Variants in IGF1R observed in about 807,000 individuals in gnomAD.
The protein encoded by IGF1R is insulin-like growth factor 1 receptor.
A neutral mutation model predicts 144.6 loss-of-function variants in IGF1R; 44 were observed. The observed-to-expected ratio is 0.30, with a 90% CI of 0.24 to 0.39. The LOEUF is 0.39. Among genes scored for constraint, IGF1R ranks in the 10% least tolerant of loss-of-function variants. IGF1R has a pLI of 1.00. For missense variants in IGF1R, 1,355 were observed against 1,833.7 expected, an observed-to-expected ratio of 0.74 and a Z score of 4.77; for synonymous variants, 795 against 722.8, an observed-to-expected ratio of 1.10 and a Z score of -1.60.
At chr15:98,806,343 C>T (rs2056470611) in intron 2 of IGF1R, among the ~76,000 whole-genome samples, 1 of 152,138 alleles carries the variant, frequency 6.6e-6, no homozygotes. Flanking sequence ...GCCGAGGGCG[C>T]ACGAAGTGCT....
In IGF1R at chr15:98,804,494, G is replaced by A. The variant is rs1276006722; in HGVS notation, c.641-86831G>A. On this transcript the variant is annotated intron_variant, in intron 2 of 20. Coordinates refer to ENST00000650285, the MANE Select transcript of IGF1R (RefSeq NM_000875.5). ...GTTTTTGTTTTTTGAAAGAAGGACA[G>A]TGGTTTGCTTGTTGATTCTGCTTTG... Among the ~76,000 whole-genome samples the A allele has an allele frequency of 2.0e-5, 3 of 152,304 alleles. No homozygotes were observed. The South Asian group carries it at 6.2e-4, about 32-fold the overall frequency.
intron 20 of IGF1R, among the ~76,000 whole-genome samples, chr15:98,955,703 G>T (rs1414201283): frequency 6.6e-6 from 1 of 152,242 alleles, no homozygotes; most frequent in Non-Finnish European, 1.5e-5. Flanking sequence ...CTCTTGGCAG[G>T]CCAGCTTCCA....
At position 98,957,185 on chromosome 15, in the gene IGF1R, G is replaced by T; in HGVS notation, c.3847G>T (p.Glu1283Ter). 6.2e-7 allele frequency: 1 copy of T among 1,614,200 alleles called. No homozygotes were observed. The highest frequency in any genetic ancestry group is 8.5e-7 in the Non-Finnish European group (1 of 1,180,018). ...GFREVSFYYS[E>*]ENKLPEPEEL... ...CCGGGAGGTCTCCTTCTACTACAGC[G>T]AGGAGAACAAGCTGCCCGAGCCGGA... The change falls in exon 21 of 21, where the codon GAG becomes TAG. Residue 1283 changes from glutamate to a stop codon, truncating the protein, a stop_gained. Coordinates refer to ENST00000650285, the MANE Select transcript of IGF1R (RefSeq NM_000875.5). LOFTEE classifies it high-confidence loss of function.
rs1397087632 is a variant in IGF1R at position 98,935,982 on chromosome 15, A to G, written c.3297+556A>G. ...AAATGTATGTTACAGTTCAAGGTTA[A>G]GCTGCCTGGATTCTTGCCCTTGCAT... On this transcript the variant is annotated intron_variant, in intron 17 of 20. Coordinates refer to ENST00000650285, the MANE Select transcript of IGF1R (RefSeq NM_000875.5). This position sits in a 1 kb window ranked among gnomAD's most constrained non-coding sequence, Gnocchi z 4.2. Among the ~76,000 whole-genome samples, 1 of 152,154 alleles carries G rather than the reference A, an allele frequency of 6.6e-6. No homozygotes were observed. Among genetic ancestry groups the G allele is most frequent in the East Asian group, 1.9e-4 (1 of 5,174 alleles).
intron 12 of IGF1R, 140 bp from the exon 13 acceptor site, chr15:98,924,385 T>A: frequency 1.2e-6 from 1 of 848,714 alleles, no homozygotes; most frequent in Non-Finnish European, 2.1e-6. Context: ...GATTTCTTTG[T>A]CTTTACTGAC....
At chr15:98,796,953 A>G (rs1037942199) in intron 2 of IGF1R, among the ~76,000 whole-genome samples, 2 of 152,180 alleles carry the variant, frequency 1.3e-5, no homozygotes, top group Non-Finnish European at 2.9e-5. Flanking sequence ...TGTAAAAGCC[A>G]TGGTGCTTGG....
intron 2 of IGF1R, among the ~76,000 whole-genome samples, chr15:98,841,180 G>T (rs1164813082): frequency 6.6e-6 from 1 of 152,204 alleles, no homozygotes; most frequent in Non-Finnish European, 1.5e-5. Context: ...AGTATGTCCT[G>T]TGGTTGATAG....
intron 2 of IGF1R, among the ~76,000 whole-genome samples, chr15:98,875,481 A>T (rs1596383993): frequency 6.6e-6 from 1 of 152,032 alleles, no homozygotes; most frequent in African/African-American, 2.4e-5. Context: ...TTCATTGAGC[A>T]AGTAAACTTC....
In IGF1R at chr15:98,961,108, G is replaced by A. The variant is rs1222722137; in HGVS notation, c.*3666G>A. ...GCTCAGGAGCCTCCTGCTGGAACGCGACCCATCTCTCCCAGGACCCCGGGG... is the reference window on the plus strand; with the variant it reads ...GCTCAGGAGCCTCCTGCTGGAACGCAACCCATCTCTCCCAGGACCCCGGGG... On this transcript the variant is annotated 3_prime_UTR_variant, in exon 21 of 21. Transcript: ENST00000650285. The A allele has an allele frequency of 6.0e-5, 14 of 233,386 alleles. 1 individual carries two copies. Among genetic ancestry groups the A allele is most frequent in the East Asian group, 5.4e-4 (9 of 16,570 alleles). The allele number at this position is 233,386 out of a possible 1,614,324, so 14.5% of individuals were successfully genotyped here.
intron 1 of IGF1R, among the ~76,000 whole-genome samples, chr15:98,701,464 G>C (rs1320912800): frequency 6.7e-6 from 1 of 150,330 alleles, no homozygotes; most frequent in Non-Finnish European, 1.5e-5. Context: ...AGCCTCCCAA[G>C]TAGCTGGGAC....
intron 2 of IGF1R, among the ~76,000 whole-genome samples, chr15:98,803,907 CACAT>C (rs2056416298): frequency 6.6e-6 from 1 of 152,176 alleles, no homozygotes; most frequent in Non-Finnish European, 1.5e-5. Context: ...TTATCATTAT[CACAT>C]ATTATGTACT....
chr15:98,857,877 A>T (rs1334196763), intron 2 of IGF1R, among the ~76,000 whole-genome samples: 4 of 152,222 alleles, frequency 2.6e-5, no homozygotes, highest in African/African-American at 9.7e-5. Flanking sequence ...TTTTCCTGTC[A>T]TATTTAGGGC....
intron 1 of IGF1R, among the ~76,000 whole-genome samples, chr15:98,672,243 A>G (rs1325080438): frequency 6.6e-6 from 1 of 152,172 alleles, no homozygotes; most frequent in Non-Finnish European, 1.5e-5. Context: ...CAGCCTTCAC[A>G]TTTTCCCACA....
rs1472098802 is a variant in IGF1R, at chr15:98,810,251, G to C, written c.641-81074G>C. On this transcript the variant is annotated intron_variant, in intron 2 of 20. Coordinates refer to ENST00000650285, the MANE Select transcript of IGF1R (RefSeq NM_000875.5). ...GGGTCCGTAGCTGTGCTGGTGGTTT[G>C]CTTGGTATCTGTATTACATCCACTC... 2.0e-5 allele frequency among the ~76,000 whole-genome samples: 3 copies of C among 152,134 alleles called. No individual in the cohort carries two copies. The East Asian group carries it at 5.8e-4, about 29-fold the overall frequency.
chr15:98,669,308 A>G (rs45597935), intron 1 of IGF1R, among the ~76,000 whole-genome samples: 4 of 152,160 alleles, frequency 2.6e-5, no homozygotes, highest in Non-Finnish European at 5.9e-5. Context: ...TGCTTAAATG[A>G]AGGGTATACA....
intron 19 of IGF1R, 27 bp from the exon 20 acceptor site, chr15:98,948,547 C>T (rs2016645112): frequency 6.2e-7 from 1 of 1,612,690 alleles, no homozygotes. Context: ...CCTTTCCAAG[C>T]TCCTCACAGT....
intron 2 of IGF1R, among the ~76,000 whole-genome samples, chr15:98,736,855 G>A (rs1022332884): frequency 2.6e-5 from 4 of 151,960 alleles, no homozygotes; most frequent in Non-Finnish European, 5.9e-5. Flanking sequence ...CAGGCAATCC[G>A]CCTATCTCGG....
At chr15:98,953,420 C>G (rs1298428094) in intron 20 of IGF1R, among the ~76,000 whole-genome samples, 4 of 152,094 alleles carry the variant, frequency 2.6e-5, no homozygotes, top group Non-Finnish European at 5.9e-5. Flanking sequence ...ATGACAAAGC[C>G]CGTCCTCAGC....
chr15:98,948,446 C>A, intron 19 of IGF1R, 128 bp from the exon 20 acceptor site: 1 of 988,294 alleles, frequency 1.0e-6, no homozygotes, highest in Non-Finnish European at 1.6e-6. Context: ...GGCTCGCTGT[C>A]TGACAAGCAC....
Sources: gnomAD v4.1 joint callset for allele counts (sites outside exome capture counted in the v4.1 genomes callset) on GRCh38, gnomAD v4.1.1 for gene constraint, Gnocchi (gnomAD v3.1) non-coding constraint, MANE v1.5 for transcripts, NCBI Gene and HGNC (gene_info 2026-07-23, HGNC 2026-07-21) for gene names.